RBM26: variants seen among roughly 807,000 people sequenced by gnomAD.
RBM26 encodes RNA binding motif protein 26.
RBM26 carries 30 observed loss-of-function variants against 123.6 expected under a neutral mutation model. The ratio of observed to expected loss-of-function variants is 0.24; its 90% CI spans 0.18 to 0.33. RBM26 has a LOEUF of 0.33. RBM26 is among the 10% of genes least tolerant of loss of function. The probability of loss-of-function intolerance (pLI) is 1.00; values close to 1 mark genes in which losing one functional copy is unlikely to be tolerated. For synonymous variants in RBM26, 400 were observed against 404.4 expected, an observed-to-expected ratio of 0.99 and a Z score of 0.13; for missense variants, 947 against 1,203.6, an observed-to-expected ratio of 0.79 and a Z score of 3.15.
intron 1 of RBM26, among the ~76,000 whole-genome samples, chr13:79,404,164 T>G (rs2140618350): frequency 6.6e-6 from 1 of 152,312 alleles, no homozygotes; most frequent in South Asian, 2.1e-4. Context: ...CTTACTGTAT[T>G]TATTATTATC....
chr13:79,403,282 G>A (rs921689510), intron 1 of RBM26, among the ~76,000 whole-genome samples: 1 of 152,052 alleles, frequency 6.6e-6, no homozygotes, highest in African/African-American at 2.4e-5. Flanking sequence ...ATTAGAAAAG[G>A]ACCAATTACA....
intron 20 of RBM26, among the ~76,000 whole-genome samples, chr13:79,330,742 C>T (rs1335066626): frequency 6.6e-6 from 1 of 152,052 alleles, no homozygotes; most frequent in African/African-American, 2.4e-5. Context: ...TATATGACCA[C>T]ACATTTTTAA....
intron 1 of RBM26, among the ~76,000 whole-genome samples, chr13:79,389,895 T>C (rs1289461612): frequency 1.3e-5 from 2 of 152,184 alleles, no homozygotes; most frequent in Non-Finnish European, 2.9e-5. Context: ...TGGAATTCTA[T>C]GGAACCACTG....
At chr13:79,343,819 T>C (rs1315386118) in intron 16 of RBM26, among the ~76,000 whole-genome samples, 4 of 152,102 alleles carry the variant, frequency 2.6e-5, no homozygotes, top group South Asian at 2.1e-4. Flanking sequence ...TTTACACTTA[T>C]AGCACATCTC....
In RBM26 at chr13:79,366,160, C is replaced by G. The variant is rs1301216617; in HGVS notation, c.1171G>C (p.Gly391Arg). 9 of 1,613,378 alleles carry G rather than the reference C, an allele frequency of 5.6e-6. No homozygotes were observed. The Admixed American group carries it at 1.5e-4, about 27-fold the overall frequency. Residue 391 changes from glycine to arginine, a missense_variant, in exon 8 of 22, where the codon GGC (glycine) becomes CGC (arginine). Physicochemically the swap from Gly to Arg is moderately radical, Grantham distance 125. Transcript: ENST00000438737. ...PPPLPPLQPS[G>R]MDAPPNSATS... ...GCAGAGTTTGGAGGAGCATCCATGC[C>G]AGATGGCTGCAAAGGAGGAAGTGGA... is the stretch of plus-strand genomic sequence containing the variant.
chr13:79,311,891 TAACAA>T (rs1016179114), exon 5 of RBM26: 1 of 152,048 alleles, frequency 6.6e-6, no homozygotes, highest in African/African-American at 2.4e-5. Context: ...AATATGGATT[TAACAA>T]AACATAATTC....
intron 14 of RBM26, among the ~76,000 whole-genome samples, chr13:79,345,979 T>C (rs946154379): frequency 6.6e-6 from 1 of 152,200 alleles, no homozygotes; most frequent in Non-Finnish European, 1.5e-5. Context: ...ACGAATGCTA[T>C]AAAACTAAAC....
chr13:79,386,417 TA>T lies in RBM26; in HGVS notation c.72-7511del, dbSNP rs5805029. Among the ~76,000 whole-genome samples the T allele has an allele frequency of 2.5e-3, 326 of 132,226 alleles. 3 individuals carry two copies. Among genetic ancestry groups the T allele is most frequent in the South Asian group, 6.7e-3 (29 of 4,316 alleles). 86.7% of individuals were successfully genotyped at this position (132,226 alleles called of 152,430 possible). On this transcript the variant is annotated intron_variant, in intron 1 of 21. Coordinates refer to ENST00000438737, the MANE Select transcript of RBM26 (RefSeq NM_001366735.2). The stretch of plus-strand genomic sequence containing the variant: ...GAAGTTACATAACTTCTAAATTAAA[TA>T]AAAAAAAAAAAAGAAGTGCCCATTA...
At chr13:79,393,894 G>A (rs1407949295) in intron 1 of RBM26, among the ~76,000 whole-genome samples, 1 of 152,190 alleles carries the variant, frequency 6.6e-6, no homozygotes, top group Admixed American at 6.5e-5. Flanking sequence ...AAGCTGCACT[G>A]CCTATTCTTT....
At chr13:79,336,939 T>C (rs2070517046) in intron 19 of RBM26, among the ~76,000 whole-genome samples, 163 bp downstream of exon 19, 1 of 152,214 alleles carries the variant, frequency 6.6e-6, no homozygotes, top group South Asian at 2.1e-4. Flanking sequence ...ATACAAATCC[T>C]ACAGTTTGTT....
Position 79,396,683 on chromosome 13 carries a change from A to AATAC in RBM26, c.71+9020_71+9021insGTAT, listed in dbSNP as rs567817019. ...CCAAAAATTTTAAGGAAAAAAAAATAGAACCCTAAATAAATTTTTTCAGAA... is the reference window on the plus strand; with the variant it reads ...CCAAAAATTTTAAGGAAAAAAAAATAATACGAACCCTAAATAAATTTTTTCAGAA... On this transcript the variant is annotated intron_variant, in intron 1 of 21. Coordinates refer to ENST00000438737, the MANE Select transcript of RBM26 (RefSeq NM_001366735.2). Among the ~76,000 whole-genome samples, 11 of 102,734 alleles carry AATAC rather than the reference A, an allele frequency of 1.1e-4. 1 individual carries two copies. In the South Asian group the frequency reaches 3.6e-3, roughly 34 times the overall value. 67.4% of individuals were successfully genotyped at this position (102,734 alleles called of 152,430 possible).
chr13:79,341,253 G>T, intron 17 of RBM26, 26 bp from the exon 18 acceptor site: 2 of 1,464,198 alleles, frequency 1.4e-6, no homozygotes, highest in Admixed American at 1.7e-5. Context: ...TAATATTTTA[G>T]GTGACAGTAA....
chr13:79,362,210 C>A (rs2074776142), intron 9 of RBM26, among the ~76,000 whole-genome samples: 1 of 152,128 alleles, frequency 6.6e-6, no homozygotes, highest in African/African-American at 2.4e-5. Context: ...CTGTCCTTCT[C>A]AATGAATGAT....
At chr13:79,364,119 T>TA (rs942553765) in intron 9 of RBM26, among the ~76,000 whole-genome samples, 10 of 113,370 alleles carry the variant, frequency 8.8e-5, no homozygotes, top group Admixed American at 1.6e-4. Flanking sequence ...TACAAGCTGT[T>TA]AAAAAAAATC....
At position 79,319,402 on chromosome 13, in the gene RBM26, TA is replaced by T; in HGVS notation, c.*1218del. The T allele has an allele frequency of 1.0e-6, 1 of 984,578 alleles. No homozygotes were observed. The highest frequency in any genetic ancestry group is 6.2e-5 in the Admixed American group (1 of 16,144). The allele number at this position is 984,578 out of a possible 1,614,324, so 61.0% of individuals were successfully genotyped here. On this transcript the variant is annotated 3_prime_UTR_variant, in exon 22 of 22. Coordinates refer to ENST00000438737, the MANE Select transcript of RBM26 (RefSeq NM_001366735.2). ...TGCATTTATTTCCTGGAAACTGCCATATCAACTTTCAATGATCATGTTCACT... is the reference window on the plus strand; with the variant it reads ...TGCATTTATTTCCTGGAAACTGCCATTCAACTTTCAATGATCATGTTCACT...
chr13:79,380,099 C>G (rs192021715), intron 1 of RBM26, among the ~76,000 whole-genome samples: 1 of 152,122 alleles, frequency 6.6e-6, no homozygotes, highest in East Asian at 1.9e-4. Context: ...TTTACATCTA[C>G]GAATTTATTC....
intron 1 of RBM26, among the ~76,000 whole-genome samples, chr13:79,393,119 A>C (rs1406405452): frequency 6.6e-6 from 1 of 152,238 alleles, no homozygotes; most frequent in East Asian, 1.9e-4. Flanking sequence ...AGGAACTACT[A>C]GCTTCCAGCT....
rs2076855422 is a variant in RBM26, at chr13:79,378,861, C to T, written c.118G>A (p.Val40Ile). ...SALAKYVLAL[V>I]KKDKSEKELK... ...TCTTTTTCACTTTTGTCTTTCTTTA[C>T]CAAAGCCAGAACATATTTTGCTAGG... Residue 40 changes from valine (V) to isoleucine (I), a missense_variant, in exon 2 of 22, where the codon GTA (valine) becomes ATA (isoleucine). Transcript: ENST00000438737. 2 of 1,613,512 alleles carry T rather than the reference C, an allele frequency of 1.2e-6. No homozygotes were observed. The highest frequency in any genetic ancestry group is 1.7e-6 in the Non-Finnish European group (2 of 1,179,604).
At chr13:79,351,989 T>G (rs971155466) in intron 14 of RBM26, among the ~76,000 whole-genome samples, 2 of 152,120 alleles carry the variant, frequency 1.3e-5, no homozygotes, top group Admixed American at 6.5e-5. Context: ...TCACACAGCT[T>G]AGAAAATGGT....
Sources: gnomAD v4.1 joint callset for allele counts (sites outside exome capture counted in the v4.1 genomes callset) on GRCh38, gnomAD v4.1.1 for gene constraint, MANE v1.5 for transcripts, NCBI Gene and HGNC (gene_info 2026-07-23, HGNC 2026-07-21) for gene names.